Variants in CCZ1 observed in about 807,000 individuals in gnomAD.
CCZ1 encodes the protein CCZ1 vacuolar protein trafficking and biogenesis associated.
A neutral mutation model predicts 57.8 loss-of-function variants in CCZ1; 19 were observed. The observed-to-expected ratio is 0.33, with a 90% CI of 0.23 to 0.48. CCZ1 has a LOEUF of 0.48. CCZ1 is among the 20% of genes least tolerant of loss of function. The pLI is 0.99. For missense variants in CCZ1, 200 were observed against 492.0 expected (o/e 0.41, Z 5.61); for synonymous variants, 81 against 167.0 (o/e 0.49, Z 3.97).
intron 10 of CCZ1, 109 bp downstream of exon 10, chr7:5,913,063 T>A (rs1172620099): frequency 8.7e-6 from 7 of 806,128 alleles, no homozygotes; most frequent in Non-Finnish European, 1.4e-5. Context: ...GGAAAAGATA[T>A]TGGAAGTTCT....
At position 5,910,405 on chromosome 7, in the gene CCZ1, C is replaced by T. The variant is rs116447732; in HGVS notation, c.780+289C>T. ...TTTTTGAGACGGAGTCTCGAACTTT[C>T]GCCTGGGATGGAGAGGTTCAAGCAA... On this transcript the variant is annotated intron_variant, in intron 8 of 14. Transcript: ENST00000325974. Among the ~76,000 whole-genome samples the T allele has an allele frequency of 4.6e-3, 693 of 149,446 alleles. 35 individuals are homozygous for T. Among genetic ancestry groups the T allele is most frequent in the African/African-American group, 0.016 (660 of 40,526 alleles).
intron 14 of CCZ1, chr7:5,925,428 C>T (rs1380798589): frequency 1.9e-6 from 1 of 521,566 alleles, no homozygotes; most frequent in Non-Finnish European, 3.5e-6. Flanking sequence ...GATCACACCA[C>T]TACACTCCAG....
At chr7:5,911,526 C>A (rs1178560234) in intron 8 of CCZ1, among the ~76,000 whole-genome samples, 1 of 148,954 alleles carries the variant, frequency 6.7e-6, no homozygotes, top group Non-Finnish European at 1.5e-5. Context: ...AACTCCTGGG[C>A]TCAAGTAATC....
rs1189442395 is a variant in CCZ1 at position 5,926,278 on chromosome 7, CTG to C, written c.*594_*595del. On this transcript the variant is annotated 3_prime_UTR_variant, in exon 15 of 15. Coordinates refer to ENST00000325974, the MANE Select transcript of CCZ1 (RefSeq NM_015622.6). ...GTGGGCCAAGGGGTATGTTAAAACA[CTG>C]TGACGAGTTCAGTGCTAAGAACTGT... 24 of 730,890 alleles carry C rather than the reference CTG, an allele frequency of 3.3e-5. No individual in the cohort carries two copies. Among genetic ancestry groups the C allele is most frequent in the Non-Finnish European group, 4.7e-5 (21 of 445,034 alleles). 45.3% of individuals were successfully genotyped at this position (730,890 alleles called of 1,614,324 possible).
At chr7:5,922,234 CCAAA>C (rs1194938808) in intron 12 of CCZ1, among the ~76,000 whole-genome samples, 5 of 115,138 alleles carry the variant, frequency 4.3e-5, no homozygotes, top group Non-Finnish European at 9.4e-5. Flanking sequence ...ACAACTCTTT[CCAAA>C]CAGTTTTTCT....
At chr7:5,923,314 CA>C in intron 12 of CCZ1, 72 bp from the exon 13 acceptor site, 2 of 130,596 alleles carry the variant, frequency 1.5e-5, no homozygotes, top group South Asian at 8.1e-5. Context: ...GACTCCATCT[CA>C]AAAAAATTTT....
At chr7:5,899,280 G>T (rs1781620724) in intron 1 of CCZ1, among the ~76,000 whole-genome samples, 1 of 132,468 alleles carries the variant, frequency 7.5e-6, no homozygotes, top group African/African-American at 2.8e-5. Context: ...CAAGCCTGGA[G>T]GTCCCTGTAA....
chr7:5,906,614 C>T (rs1214353813), intron 7 of CCZ1, among the ~76,000 whole-genome samples: 1 of 148,710 alleles, frequency 6.7e-6, no homozygotes, highest in African/African-American at 2.5e-5. Flanking sequence ...TGAGCCACTG[C>T]ACCTGGCCTA....
chr7:5,903,037 C>T (rs1781721157), intron 6 of CCZ1, among the ~76,000 whole-genome samples: 2 of 148,326 alleles, frequency 1.3e-5, no homozygotes, highest in African/African-American at 5.0e-5. Flanking sequence ...ATCTGTCCTT[C>T]TGGGCTTACT....
rs202022921 is a variant in CCZ1, at chr7:5,911,410, G to A, written c.781-451G>A. ...CTCAAACTCCTGGGCTCAAGCGGTC[G>A]TGTCACCTCAGCCTCCCAAGTAGCT... On this transcript the variant is annotated intron_variant, in intron 8 of 14. Coordinates refer to ENST00000325974, the MANE Select transcript of CCZ1 (RefSeq NM_015622.6). 4.6e-4 allele frequency among the ~76,000 whole-genome samples: 68 copies of A among 147,642 alleles called. 4 individuals are homozygous for A. Among genetic ancestry groups the A allele is most frequent in the African/African-American group, 1.6e-3 (62 of 39,918 alleles).
chr7:5,913,290 C>T (rs926017907), intron 10 of CCZ1, among the ~76,000 whole-genome samples: 52 of 112,542 alleles, frequency 4.6e-4, no homozygotes, highest in African/African-American at 1.4e-3. Flanking sequence ...CGTGTCTGTG[C>T]ATATGCTGCT....
chr7:5,923,154 T>TA (rs1255361261), intron 12 of CCZ1, among the ~76,000 whole-genome samples: 5 of 106,802 alleles, frequency 4.7e-5, no homozygotes, highest in Non-Finnish European at 9.4e-5. Context: ...CCGTCTCTAC[T>TA]AAAAATACAA....
chr7:5,900,400 C>T lies in CCZ1; in HGVS notation c.218+19C>T. 6.4e-7 allele frequency: 1 copy of T among 1,551,956 alleles called. No individual in the cohort carries two copies. Among genetic ancestry groups the T allele is most frequent in the East Asian group, 2.4e-5 (1 of 41,748 alleles). ...TTACAAGGTAATACCTCTAAGTGTG[C>T]TTTTAGCGTTCAGTGAATTCTTAAA... On this transcript the variant is annotated intron_variant, in intron 2 of 14. Coordinates refer to ENST00000325974, the MANE Select transcript of CCZ1 (RefSeq NM_015622.6).
chr7:5,904,936 G>C (rs1781768154), intron 6 of CCZ1, among the ~76,000 whole-genome samples, 158 bp from the exon 7 acceptor site: 1 of 148,448 alleles, frequency 6.7e-6, no homozygotes, highest in African/African-American at 2.5e-5. Flanking sequence ...TTGGCACTCA[G>C]TTACCCATGT....
intron 3 of CCZ1, 48 bp from the exon 4 acceptor site, chr7:5,900,807 A>T: frequency 3.3e-6 from 5 of 1,515,748 alleles, no homozygotes; most frequent in Non-Finnish European, 4.4e-6. Flanking sequence ...CAAAATAAAC[A>T]TGGTCTAATG....
rs1441214890 is a variant in CCZ1, at chr7:5,920,594, C to G, written c.1106+628C>G. ...TCAAGCGATTCTCATGCCTCATCCT[C>G]TTGAGTAGCTGGGATTACAGGCGTG... is the stretch of plus-strand genomic sequence containing the variant. On this transcript the variant is annotated intron_variant, in intron 12 of 14. Coordinates refer to ENST00000325974, the MANE Select transcript of CCZ1 (RefSeq NM_015622.6). Among the ~76,000 whole-genome samples the G allele has an allele frequency of 3.8e-5, 5 of 132,510 alleles. No homozygotes were observed. The East Asian group carries it at 1.0e-3, about 27-fold the overall frequency. The allele number at this position is 132,510 out of a possible 152,430, so 86.9% of individuals were successfully genotyped here. A position where few individuals can be genotyped will look rare whatever the true frequency, so the allele number is the denominator to read the frequency against.
chr7:5,910,698 G>GTTTTT (rs1781950472), intron 8 of CCZ1, among the ~76,000 whole-genome samples: 1 of 120,068 alleles, frequency 8.3e-6, no homozygotes, highest in Admixed American at 8.9e-5. Context: ...TTTAATTTAT[G>GTTTTT]TATTTTATTT....
rs199944659 is a variant in CCZ1, at chr7:5,925,628, G to A, written c.1394-4G>A. The A allele has an allele frequency of 1.7e-3, 2,807 of 1,607,500 alleles. 1 individual carries two copies. The African/African-American group carries it at 0.033, about 19-fold the overall frequency. On this transcript the variant is annotated splice_polypyrimidine_tract_variant and splice_region_variant and intron_variant, in intron 14 of 14. Transcript: ENST00000325974. Reference sequence around the variant, plus strand: ...CCTTCCTCACTGTTGTGTCCTTGTTGCAGAAGAGGTCAAGAAACTTTGTGC... The same window carrying A: ...CCTTCCTCACTGTTGTGTCCTTGTTACAGAAGAGGTCAAGAAACTTTGTGC...
chr7:5,911,074 A>C (rs1331500595), intron 8 of CCZ1, among the ~76,000 whole-genome samples: 1 of 148,692 alleles, frequency 6.7e-6, no homozygotes, highest in Non-Finnish European at 1.5e-5. Context: ...GGAACCTTTA[A>C]AATGCCAGTG....
Sources: gnomAD v4.1 joint callset for allele counts (sites outside exome capture counted in the v4.1 genomes callset) on GRCh38, gnomAD v4.1.1 for gene constraint, MANE v1.5 for transcripts, NCBI Gene and HGNC (gene_info 2026-07-23, HGNC 2026-07-21) for gene names.